The following KCNIP4 variants were observed in gnomAD, a reference collection of about 807,000 sequenced individuals.
KCNIP4 encodes potassium voltage-gated channel interacting protein 4.
Under a neutral mutation model 34.0 loss-of-function variants are expected in KCNIP4, and 12 were observed. That is an observed-to-expected ratio of 0.35 (90% CI 0.23 to 0.57). The LOEUF (loss-of-function observed/expected upper bound fraction) is 0.57, where lower values mean the gene tolerates loss of function less well. Among genes scored for constraint, KCNIP4 ranks in the 20% least tolerant of loss-of-function variants. The pLI is 0.83. For synonymous variants in KCNIP4, 124 were observed against 102.2 expected, an observed-to-expected ratio of 1.21 and a Z score of -1.29; for missense variants, 238 against 311.7, an observed-to-expected ratio of 0.76 and a Z score of 1.78.
chr4:21,574,001 G>T (rs980087924), intron 1 of KCNIP4, among the ~76,000 whole-genome samples: 5 of 152,068 alleles, frequency 3.3e-5, no homozygotes, highest in Non-Finnish European at 5.9e-5. Context: ...GGTGTCAACG[G>T]CTTGGAAGAG....
At chr4:21,677,803 G>T (rs1442438697) in intron 1 of KCNIP4, among the ~76,000 whole-genome samples, 1 of 152,172 alleles carries the variant, frequency 6.6e-6, no homozygotes, top group African/African-American at 2.4e-5. Flanking sequence ...AGGCTGGAGT[G>T]CAGCGGCACG....
chr4:21,670,593 G>T (rs1179117044), intron 1 of KCNIP4, among the ~76,000 whole-genome samples: 3 of 152,008 alleles, frequency 2.0e-5, no homozygotes, highest in African/African-American at 7.3e-5. Context: ...CGATCATATT[G>T]AAGTTCAGTT....
intron 1 of KCNIP4, chr4:21,848,946 A>ATGTGTGTGTGTGTGCGTG (rs1553937906): frequency 7.8e-6 from 1 of 128,446 alleles, no homozygotes; most frequent in East Asian, 3.1e-4. Flanking sequence ...ATATACATAT[A>ATGTGTGTGTGTGTGCGTG]TGTGTGTGTG....
At chr4:21,737,228 A>G (rs952040737) in intron 1 of KCNIP4, among the ~76,000 whole-genome samples, 1 of 152,154 alleles carries the variant, frequency 6.6e-6, no homozygotes, top group African/African-American at 2.4e-5. Flanking sequence ...GCACCAATCA[A>G]AATTTAATGT....
At chr4:20,835,470 C>A (rs887973997) in intron 3 of KCNIP4, among the ~76,000 whole-genome samples, 1 of 151,928 alleles carries the variant, frequency 6.6e-6, no homozygotes, top group Non-Finnish European at 1.5e-5. Flanking sequence ...TTTAAAAAAA[C>A]CTATTTCGTA....
chr4:21,201,717 T>C (rs1484190931), intron 1 of KCNIP4, among the ~76,000 whole-genome samples: 1 of 152,128 alleles, frequency 6.6e-6, no homozygotes, highest in East Asian at 1.9e-4. Flanking sequence ...CCAGGAAGGT[T>C]TCGACCTCCT....
chr4:21,374,281 C>A (rs1240414965), intron 1 of KCNIP4, among the ~76,000 whole-genome samples: 2 of 147,038 alleles, frequency 1.4e-5, no homozygotes. Flanking sequence ...TTCCATGTGG[C>A]TGGGGAGGCC....
intron 1 of KCNIP4, among the ~76,000 whole-genome samples, chr4:21,630,159 C>T (rs923837261): frequency 1.3e-5 from 2 of 151,384 alleles, no homozygotes; most frequent in African/African-American, 2.4e-5. Flanking sequence ...CCACCATACC[C>T]GGCCAACATA....
chr4:21,225,993 A>G (rs1024925111), intron 1 of KCNIP4, among the ~76,000 whole-genome samples: 1 of 151,836 alleles, frequency 6.6e-6, no homozygotes, highest in Non-Finnish European at 1.5e-5. Context: ...ATTAATATTA[A>G]TGGCTAACAT....
chr4:21,652,865 T>C (rs368685704), intron 1 of KCNIP4, among the ~76,000 whole-genome samples: 4 of 152,242 alleles, frequency 2.6e-5, no homozygotes, highest in African/African-American at 9.6e-5. Context: ...ACAAGGAGAA[T>C]AATGCAGTAG....
chr4:21,348,547 C>A (rs891770852), intron 1 of KCNIP4, among the ~76,000 whole-genome samples: 1 of 152,150 alleles, frequency 6.6e-6, no homozygotes, highest in Non-Finnish European at 1.5e-5. Flanking sequence ...CAGTCTCCCC[C>A]TGAAGACAAC....
At chr4:21,699,527 A>C (rs1712654173) in intron 1 of KCNIP4, among the ~76,000 whole-genome samples, 3 of 152,178 alleles carry the variant, frequency 2.0e-5, no homozygotes, top group Admixed American at 6.5e-5. Flanking sequence ...GTCTCTAAGA[A>C]AAGAAGTTAA....
At chr4:21,568,929 C>T (rs1407444916) in intron 1 of KCNIP4, among the ~76,000 whole-genome samples, 1 of 152,012 alleles carries the variant, frequency 6.6e-6, no homozygotes, top group Non-Finnish European at 1.5e-5. Context: ...GAAGGAAAAA[C>T]TCTGGGTAAT....
At chr4:21,732,057 A>G (rs1715644550) in intron 1 of KCNIP4, among the ~76,000 whole-genome samples, 1 of 151,058 alleles carries the variant, frequency 6.6e-6, no homozygotes, top group Non-Finnish European at 1.5e-5. Flanking sequence ...AATAAACTTG[A>G]TTGTATAATT....
chr4:21,921,229 C>G (rs563697995), intron 1 of KCNIP4, among the ~76,000 whole-genome samples: 47 of 152,146 alleles, frequency 3.1e-4, no homozygotes, highest in South Asian at 1.7e-3. Flanking sequence ...CATCACACTC[C>G]TTTGATTTTT....
intron 1 of KCNIP4, among the ~76,000 whole-genome samples, chr4:21,377,767 T>C (rs1721095191): frequency 1.3e-5 from 2 of 152,196 alleles, no homozygotes; most frequent in Non-Finnish European, 2.9e-5. Context: ...TACTTTTTCA[T>C]TCCCCTTACA....
At chr4:21,636,716 G>T (rs981452779) in intron 1 of KCNIP4, among the ~76,000 whole-genome samples, 1 of 152,162 alleles carries the variant, frequency 6.6e-6, no homozygotes, top group Admixed American at 6.5e-5. Context: ...TCTAACAGAA[G>T]CTAGAGAGCA....
intron 1 of KCNIP4, among the ~76,000 whole-genome samples, chr4:21,147,962 A>AAAAAAAAAAAT (rs1553945858): frequency 8.1e-6 from 1 of 123,874 alleles, no homozygotes; most frequent in African/African-American, 3.0e-5. Flanking sequence ...AAAAAAAAAG[A>AAAAAAAAAAAT]AAAAAAGTTC....
chr4:21,694,448 G>GT (rs1259079694), intron 1 of KCNIP4, among the ~76,000 whole-genome samples: 1 of 152,046 alleles, frequency 6.6e-6, no homozygotes, highest in Non-Finnish European at 1.5e-5. Context: ...AAAAGCATAT[G>GT]TTTTTATGAT....
Sources: allele counts gnomAD v4.1 joint callset (sites outside exome capture counted in the v4.1 genomes callset), GRCh38; gene constraint gnomAD v4.1.1; transcripts MANE v1.5; gene names NCBI Gene and HGNC (gene_info 2026-07-23, HGNC 2026-07-21).